Variants in ZNF804B observed in about 807,000 individuals in gnomAD.
ZNF804B encodes the protein zinc finger 804B.
A neutral mutation model predicts 101.4 loss-of-function variants in ZNF804B; 80 were observed. That is an observed-to-expected ratio of 0.79 (90% CI 0.66 to 0.95). The LOEUF (loss-of-function observed/expected upper bound fraction) is 0.95, where lower values mean the gene tolerates loss of function less well. ZNF804B is among the 40% of genes least tolerant of loss of function. The pLI is 0.00. For synonymous variants in ZNF804B, 622 were observed against 558.8 expected (o/e 1.11, Z -1.59); for missense variants, 1,673 against 1,561.9 (o/e 1.07, Z -1.20).
chr7:89,006,516 A>G (rs1439021481), intron 1 of ZNF804B, among the ~76,000 whole-genome samples: 3 of 152,106 alleles, frequency 2.0e-5, no homozygotes, highest in African/African-American at 7.2e-5. Context: ...TCAATCTTGT[A>G]TGGAGTAAAA....
intron 2 of ZNF804B, among the ~76,000 whole-genome samples, chr7:89,322,058 C>T (rs1308732998): frequency 6.6e-6 from 1 of 152,158 alleles, no homozygotes; most frequent in South Asian, 2.1e-4. Flanking sequence ...CTCAAAAACA[C>T]GTAGTAAAGA....
chr7:89,179,837 C>A (rs914269027), intron 1 of ZNF804B, among the ~76,000 whole-genome samples: 1 of 152,262 alleles, frequency 6.6e-6, no homozygotes, highest in South Asian at 2.1e-4. Context: ...TAAGTTTGGT[C>A]TCTGCAGCCA....
chr7:89,010,248 G>T (rs1401444199), intron 1 of ZNF804B, among the ~76,000 whole-genome samples: 1 of 152,054 alleles, frequency 6.6e-6, no homozygotes, highest in South Asian at 2.1e-4. Context: ...ACTCAGAGAA[G>T]TCAAAGAGGC....
intron 3 of ZNF804B, among the ~76,000 whole-genome samples, chr7:89,332,881 T>C (rs1791008711): frequency 6.6e-6 from 1 of 151,852 alleles, no homozygotes; most frequent in Non-Finnish European, 1.5e-5. Flanking sequence ...TAAGTGAATA[T>C]GAGGGAATTT....
intron 1 of ZNF804B, among the ~76,000 whole-genome samples, chr7:89,129,916 T>A (rs545507835): frequency 1.1e-3 from 174 of 152,086 alleles, no homozygotes; most frequent in African/African-American, 4.1e-3. Flanking sequence ...AGTAAGAAGA[T>A]TCTTAAGGCT....
At chr7:89,166,828 C>T (rs557623636) in intron 1 of ZNF804B, among the ~76,000 whole-genome samples, 10 of 152,068 alleles carry the variant, frequency 6.6e-5, no homozygotes, top group Admixed American at 1.3e-4. Flanking sequence ...GAGCTCACCA[C>T]AATAGTAGTA....
At chr7:89,104,160 A>G (rs1406796717) in intron 1 of ZNF804B, among the ~76,000 whole-genome samples, 3 of 151,970 alleles carry the variant, frequency 2.0e-5, no homozygotes, top group Non-Finnish European at 2.9e-5. Flanking sequence ...TTTTGCATCT[A>G]TGTTCATCAG....
At chr7:89,225,131 T>C (rs1789067814) in intron 2 of ZNF804B, among the ~76,000 whole-genome samples, 1 of 152,084 alleles carries the variant, frequency 6.6e-6, no homozygotes, top group Non-Finnish European at 1.5e-5. Context: ...ATTTCCCTTT[T>C]ACCTTAAGTA....
intron 1 of ZNF804B, among the ~76,000 whole-genome samples, chr7:89,092,303 A>T (rs913655295): frequency 6.6e-6 from 1 of 151,228 alleles, no homozygotes; most frequent in African/African-American, 2.4e-5. Context: ...TAGGCTTAAC[A>T]TTTCAACATA....
At chr7:89,216,932 C>G (rs1788904893) in intron 1 of ZNF804B, among the ~76,000 whole-genome samples, 1 of 152,174 alleles carries the variant, frequency 6.6e-6, no homozygotes, top group Non-Finnish European at 1.5e-5. Flanking sequence ...GTGCCAGTCA[C>G]TCTTTTATTT....
intron 2 of ZNF804B, among the ~76,000 whole-genome samples, chr7:89,308,155 G>C (rs1365632672): frequency 6.6e-6 from 1 of 152,070 alleles, no homozygotes; most frequent in Non-Finnish European, 1.5e-5. Context: ...GCTCTTGACA[G>C]AACTATATTT....
chr7:89,189,114 C>T (rs1788417796), intron 1 of ZNF804B, among the ~76,000 whole-genome samples: 1 of 152,080 alleles, frequency 6.6e-6, no homozygotes, highest in African/African-American at 2.4e-5. Context: ...CATTCATTTA[C>T]CATTCAGAAA....
Position 88,979,037 on chromosome 7 carries a change from A to G in ZNF804B, c.108+218953A>G, listed in dbSNP as rs541978672. Among the ~76,000 whole-genome samples the G allele has an allele frequency of 2.6e-5, 4 of 152,094 alleles. No homozygotes were observed. In the East Asian group the frequency reaches 7.8e-4, roughly 30 times the overall value. ...AACACTGATTGCAAAAACAAACAAA[A>G]GACCAAACATGCAAGAGAAAGCTAG... On this transcript the variant is annotated intron_variant, in intron 1 of 3. Coordinates refer to ENST00000333190, the MANE Select transcript of ZNF804B (RefSeq NM_181646.5).
intron 1 of ZNF804B, among the ~76,000 whole-genome samples, chr7:89,028,362 A>C (rs1788781870): frequency 6.6e-6 from 1 of 152,170 alleles, no homozygotes; most frequent in South Asian, 2.1e-4. Flanking sequence ...AAACATTAAA[A>C]TGGCATTGAG....
intron 1 of ZNF804B, among the ~76,000 whole-genome samples, chr7:89,159,971 G>A (rs1310159008): frequency 6.6e-6 from 1 of 152,124 alleles, no homozygotes; most frequent in Non-Finnish European, 1.5e-5. Flanking sequence ...GTAGAGATAC[G>A]TCTAGCTGAG....
chr7:88,931,363 T>C (rs1161264060), intron 1 of ZNF804B, among the ~76,000 whole-genome samples: 1 of 151,868 alleles, frequency 6.6e-6, no homozygotes, highest in African/African-American at 2.4e-5. Context: ...AAAATTGGGA[T>C]TGCTGTTATT....
chr7:89,184,011 C>T (rs1436468550), intron 1 of ZNF804B, among the ~76,000 whole-genome samples: 1 of 152,110 alleles, frequency 6.6e-6, no homozygotes, highest in Admixed American at 6.6e-5. Flanking sequence ...CTTCTTGGCT[C>T]TCTAACATGC....
chr7:89,159,716 A>G (rs1295044170), intron 1 of ZNF804B, among the ~76,000 whole-genome samples: 2 of 152,186 alleles, frequency 1.3e-5, no homozygotes, highest in Non-Finnish European at 2.9e-5. Context: ...TTGCTCACCA[A>G]TTTGAAATAA....
chr7:89,182,874 A>G (rs1788318390), intron 1 of ZNF804B, among the ~76,000 whole-genome samples: 1 of 152,146 alleles, frequency 6.6e-6, no homozygotes, highest in African/African-American at 2.4e-5. Context: ...ATATGAGTGC[A>G]TTGCATGTCT....
Sources: gnomAD v4.1 joint callset for allele counts (sites outside exome capture counted in the v4.1 genomes callset) on GRCh38, gnomAD v4.1.1 for gene constraint, MANE v1.5 for transcripts, NCBI Gene and HGNC (gene_info 2026-07-23, HGNC 2026-07-21) for gene names.